Variants in PLEKHA2 observed in about 807,000 individuals in gnomAD.
PLEKHA2 encodes pleckstrin homology domain containing A2.
PLEKHA2 carries 28 observed loss-of-function variants against 53.2 expected under a neutral mutation model. The observed-to-expected ratio is 0.53, with a 90% CI of 0.39 to 0.72. PLEKHA2 has a LOEUF of 0.72. Among genes scored for constraint, PLEKHA2 ranks in the 30% least tolerant of loss-of-function variants. The pLI, the probability that PLEKHA2 is intolerant of heterozygous loss-of-function variation, is 0.00. For missense variants in PLEKHA2, 426 were observed against 537.9 expected (o/e 0.79, Z 2.06); for synonymous variants, 193 against 196.4 (o/e 0.98, Z 0.14).
At chr8:38,926,559 A>C (rs533563163) in intron 2 of PLEKHA2, among the ~76,000 whole-genome samples, 16 of 152,270 alleles carry the variant, frequency 1.1e-4, no homozygotes, top group Non-Finnish European at 2.4e-4. Flanking sequence ...ATTTTGCTTT[A>C]TGTGTTTTCT....
chr8:38,966,541 C>T (rs1410529695), intron 10 of PLEKHA2, among the ~76,000 whole-genome samples: 3 of 152,308 alleles, frequency 2.0e-5, no homozygotes, highest in South Asian at 4.1e-4. Flanking sequence ...CCAGCGTTTG[C>T]TCTGTTCACT....
chr8:38,930,766 G>A (rs1834378106), intron 2 of PLEKHA2, among the ~76,000 whole-genome samples: 1 of 152,112 alleles, frequency 6.6e-6, no homozygotes, highest in African/African-American at 2.4e-5. Flanking sequence ...AGCAGCCAGG[G>A]TGACTCTGTG....
chr8:38,909,420 T>G (rs1225779718), intron 1 of PLEKHA2, among the ~76,000 whole-genome samples: 4 of 151,664 alleles, frequency 2.6e-5, no homozygotes, highest in African/African-American at 9.7e-5. Context: ...ATTTTTCAAG[T>G]AGACAACATC....
At chr8:38,937,293 G>A (rs1588254846) in intron 3 of PLEKHA2, among the ~76,000 whole-genome samples, 1 of 152,292 alleles carries the variant, frequency 6.6e-6, no homozygotes, top group East Asian at 1.9e-4. Context: ...GCCTTGTGGT[G>A]AGAAATGTGG....
intron 10 of PLEKHA2, among the ~76,000 whole-genome samples, chr8:38,958,563 A>C (rs898536989): frequency 6.6e-6 from 1 of 152,116 alleles, no homozygotes; most frequent in Non-Finnish European, 1.5e-5. Flanking sequence ...TGAGTAACTT[A>C]GTCATCTCGG....
chr8:38,911,258 A>T (rs559158684), intron 1 of PLEKHA2, among the ~76,000 whole-genome samples: 1 of 149,308 alleles, frequency 6.7e-6, no homozygotes, highest in Admixed American at 6.7e-5. Context: ...TTTTTTTGAG[A>T]GGGAGTCTCA....
intron 9 of PLEKHA2, among the ~76,000 whole-genome samples, chr8:38,954,765 C>T (rs1834907536): frequency 1.3e-5 from 2 of 152,126 alleles, no homozygotes; most frequent in Admixed American, 6.5e-5. Context: ...TGGTGGCTCA[C>T]ACCTGTAATC....
At chr8:38,917,421 T>C (rs1448305734) in intron 1 of PLEKHA2, among the ~76,000 whole-genome samples, 1 of 152,216 alleles carries the variant, frequency 6.6e-6, no homozygotes, top group African/African-American at 2.4e-5. Flanking sequence ...AAAATTGAGT[T>C]GCGAGCCACT....
At chr8:38,904,065 G>A (rs1833833761) in intron 1 of PLEKHA2, among the ~76,000 whole-genome samples, 1 of 152,148 alleles carries the variant, frequency 6.6e-6, no homozygotes, top group Admixed American at 6.5e-5. Flanking sequence ...TGCCTGATAT[G>A]AGCCCATTAT....
In PLEKHA2 at chr8:38,927,631, A is replaced by G. The variant is rs1285554012; in HGVS notation, c.142-8363A>G. 2.0e-5 allele frequency among the ~76,000 whole-genome samples: 3 copies of G among 152,310 alleles called. No individual in the cohort carries two copies. In the East Asian group the frequency reaches 5.8e-4, roughly 29 times the overall value. On this transcript the variant is annotated intron_variant, in intron 2 of 11. Coordinates refer to ENST00000617275, the MANE Select transcript of PLEKHA2 (RefSeq NM_021623.2). ...TTCAGAGACCAGTTTTATTAGTTAT[A>G]TCAATTGAGCACAGGACAACATGAT...
rs372653030 is a variant in PLEKHA2, at chr8:38,956,924, C to CA, written c.774-393dup. Among the ~76,000 whole-genome samples, 546 of 152,124 alleles carry CA rather than the reference C, an allele frequency of 3.6e-3. 3 individuals carry two copies. Among genetic ancestry groups the CA allele is most frequent in the African/African-American group, 0.013 (522 of 41,494 alleles). ...TGTGAAGATTAGATGAAATAATCTA[C>CA]AAAAAAGCACCCGAAACGGTGCTTC... On this transcript the variant is annotated intron_variant, in intron 9 of 11. Coordinates refer to ENST00000617275, the MANE Select transcript of PLEKHA2 (RefSeq NM_021623.2).
intron 2 of PLEKHA2, 34 bp from the exon 3 acceptor site, chr8:38,935,960 A>C (rs774513977): frequency 1.2e-6 from 2 of 1,606,952 alleles, no homozygotes; most frequent in Non-Finnish European, 1.7e-6. Context: ...CTGTTTCCAC[A>C]GCCTTCTTAA....
intron 6 of PLEKHA2, 21 bp from the exon 7 acceptor site, chr8:38,952,145 A>C (rs6984871): frequency 0.88 from 1,422,813 of 1,607,824 alleles, 630,620 homozygotes; most frequent in African/African-American, 0.95. Flanking sequence ...AGGCGCTGAT[A>C]CTGACACTGT....
chr8:38,908,746 T>G (rs892158034), intron 1 of PLEKHA2, among the ~76,000 whole-genome samples: 2 of 152,226 alleles, frequency 1.3e-5, no homozygotes, highest in Non-Finnish European at 2.9e-5. Flanking sequence ...TTTAAAAAAC[T>G]TATGATGTGG....
intron 2 of PLEKHA2, among the ~76,000 whole-genome samples, chr8:38,921,267 G>A (rs1834189075): frequency 6.6e-6 from 1 of 152,236 alleles, no homozygotes; most frequent in African/African-American, 2.4e-5. Context: ...CACCTGCTGT[G>A]TTAGTGCAAG....
Position 38,970,540 on chromosome 8 carries a change from T to C in PLEKHA2, c.*757T>C. The C allele has an allele frequency of 5.9e-6, 1 of 170,228 alleles. No homozygotes were observed. Among genetic ancestry groups the C allele is most frequent in the South Asian group, 1.0e-4 (1 of 10,016 alleles). The allele number at this position is 170,228 out of a possible 1,614,324, so 10.5% of individuals were successfully genotyped here. A position where few individuals can be genotyped will look rare whatever the true frequency, so the allele number is the denominator to read the frequency against. ...GAGCGGGCATGGTGGCTCACGCCTG[T>C]AATGCCAGTAGTTTGGGAGGCTGAG... On this transcript the variant is annotated 3_prime_UTR_variant, in exon 12 of 12. Transcript: ENST00000617275.
Position 38,918,019 on chromosome 8 carries a change from C to T in PLEKHA2, c.90C>T (p.Phe30=). The change falls in exon 2 of 12, where the codon TTC becomes TTT. Residue 30 remains phenylalanine (F), a synonymous_variant. Coordinates refer to ENST00000617275, the MANE Select transcript of PLEKHA2 (RefSeq NM_021623.2). ...ENSGKFLRRY[F]ILDTQANCLL... ...GCGGCAAGTTTCTGCGGAGGTACTT[C>T]ATTCTGGACACCCAGGCTAACTGCC... The T allele has an allele frequency of 6.2e-7, 1 of 1,613,574 alleles. No individual in the cohort carries two copies. The highest frequency in any genetic ancestry group is 8.5e-7 in the Non-Finnish European group (1 of 1,179,658).
chr8:38,905,667 A>G (rs1833859988), intron 1 of PLEKHA2, among the ~76,000 whole-genome samples: 1 of 138,514 alleles, frequency 7.2e-6, no homozygotes. Context: ...TGGAGAAATT[A>G]TGTTTTTTGT....
intron 1 of PLEKHA2, among the ~76,000 whole-genome samples, chr8:38,914,689 G>A (rs1315053074): frequency 6.6e-6 from 1 of 152,198 alleles, no homozygotes; most frequent in Non-Finnish European, 1.5e-5. Context: ...CTTGTCCCAC[G>A]TCAGCACTGG....
Sources: gnomAD v4.1 joint callset for allele counts (sites outside exome capture counted in the v4.1 genomes callset) on GRCh38, gnomAD v4.1.1 for gene constraint, MANE v1.5 for transcripts, NCBI Gene and HGNC (gene_info 2026-07-23, HGNC 2026-07-21) for gene names.